SYK: variants seen among roughly 807,000 people sequenced by gnomAD.
SYK encodes spleen associated tyrosine kinase.
In SYK, 16 loss-of-function variants were observed where a neutral mutation model predicts 77.8. The ratio of observed to expected loss-of-function variants is 0.21; its 90% confidence interval spans 0.14 to 0.31. The LOEUF (loss-of-function observed/expected upper bound fraction) is 0.31. SYK is among the 10% of genes least tolerant of loss of function. The pLI, the probability that SYK is intolerant of heterozygous loss-of-function variation, is 1.00. For synonymous variants in SYK, 312 were observed against 308.7 expected, an observed-to-expected ratio of 1.01 and a Z score of -0.11; for missense variants, 529 against 814.4, an observed-to-expected ratio of 0.65 and a Z score of 4.26.
chr9:90,862,889 C>T (rs1446711016), intron 4 of SYK, among the ~76,000 whole-genome samples: 1 of 152,100 alleles, frequency 6.6e-6, no homozygotes, highest in Admixed American at 6.5e-5. Flanking sequence ...AGGTGCCCTC[C>T]TCATTGTAAA....
Position 90,884,533 on chromosome 9 carries a change from A to G in SYK, c.1582-3216A>G, listed in dbSNP as rs1287509807. On this transcript the variant is annotated intron_variant, in intron 11 of 13. Transcript: ENST00000375754. ...CATACATACACATACACATATGTGTACATGTACATACATACACATACACAT... is the reference window on the plus strand; with the variant it reads ...CATACATACACATACACATATGTGTGCATGTACATACATACACATACACAT... 1.7e-5 allele frequency among the ~76,000 whole-genome samples: 2 copies of G among 117,816 alleles called. 1 individual carries two copies. The highest frequency in any genetic ancestry group is 3.5e-5 in the Non-Finnish European group (2 of 56,414). 77.3% of individuals were successfully genotyped at this position (117,816 alleles called of 152,430 possible).
At chr9:90,812,778 T>TGTGTGA (rs1448424766) in intron 1 of SYK, among the ~76,000 whole-genome samples, 1 of 135,862 alleles carries the variant, frequency 7.4e-6, no homozygotes, top group Non-Finnish European at 1.6e-5. Context: ...TGTGTGTGTG[T>TGTGTGA]GAGAGAGAGA....
intron 2 of SYK, 25 bp downstream of exon 2, chr9:90,844,340 C>A: frequency 6.5e-7 from 1 of 1,549,798 alleles, no homozygotes; most frequent in East Asian, 2.3e-5. Flanking sequence ...GTCCTGCTCC[C>A]TGGGCCCAGG....
chr9:90,856,033 C>T (rs898373815), intron 3 of SYK, among the ~76,000 whole-genome samples: 10 of 152,228 alleles, frequency 6.6e-5, no homozygotes, highest in East Asian at 1.9e-4. Context: ...GGACTGGTTC[C>T]GATAAAGTTA....
rs562229991 is a variant in SYK at position 90,878,123 on chromosome 9, A to G, written c.1391+343A>G. Among the ~76,000 whole-genome samples the G allele has an allele frequency of 3.3e-5, 5 of 152,332 alleles. No individual in the cohort carries two copies. In the South Asian group the frequency reaches 1.0e-3, roughly 32 times the overall value. On this transcript the variant is annotated intron_variant, in intron 10 of 13. Transcript: ENST00000375754. ...AAGAACACTTTCTTTTTAAAGAAAC[A>G]TTTTAAATAAATGCTTTTCTAAGAG... is the stretch of plus-strand genomic sequence containing the variant.
rs1252511481 is a variant in SYK at position 90,895,060 on chromosome 9, G to A, written c.1836-468G>A. 6.6e-6 allele frequency among the ~76,000 whole-genome samples: 1 copy of A among 152,206 alleles called. No homozygotes were observed. Among genetic ancestry groups the A allele is most frequent in the African/African-American group, 2.4e-5 (1 of 41,448 alleles). On this transcript the variant is annotated intron_variant, in intron 13 of 13. Transcript: ENST00000375754. This position sits in a 1 kb window ranked among gnomAD's most constrained non-coding sequence, Gnocchi z 4.4. ...CGTGGAAAGGGAGAATTAAAGTTATGTTCGTATTTCTTCTCTTAACAAGAT... is the reference window on the plus strand; with the variant it reads ...CGTGGAAAGGGAGAATTAAAGTTATATTCGTATTTCTTCTCTTAACAAGAT...
intron 1 of SYK, among the ~76,000 whole-genome samples, chr9:90,816,123 G>A (rs934378305): frequency 1.3e-5 from 2 of 152,182 alleles, no homozygotes; most frequent in African/African-American, 4.8e-5. Flanking sequence ...GGAAGCAGGA[G>A]CTTGTTCTGT....
chr9:90,885,239 A>G (rs1828518331), intron 11 of SYK, among the ~76,000 whole-genome samples: 1 of 152,152 alleles, frequency 6.6e-6, no homozygotes, highest in Admixed American at 6.6e-5. Context: ...TAAAGAAGCT[A>G]AATAAGATAT....
At chr9:90,842,314 A>AGT (rs978374623) in intron 1 of SYK, among the ~76,000 whole-genome samples, 3 of 136,048 alleles carry the variant, frequency 2.2e-5, no homozygotes, top group Non-Finnish European at 1.6e-5. Context: ...TGTGGTATGG[A>AGT]GTGTGTGTGT....
At chr9:90,886,522 G>A (rs577316243) in intron 11 of SYK, among the ~76,000 whole-genome samples, 6 of 152,212 alleles carry the variant, frequency 3.9e-5, no homozygotes, top group East Asian at 1.9e-4. Flanking sequence ...TGGCTAACAC[G>A]GTGAAACCCT....
At chr9:90,886,357 T>C (rs1828576451) in intron 11 of SYK, among the ~76,000 whole-genome samples, 1 of 152,200 alleles carries the variant, frequency 6.6e-6, no homozygotes, top group African/African-American at 2.4e-5. Context: ...TATACACTGT[T>C]TGTGGGAATG....
chr9:90,888,764 G>C, intron 13 of SYK, 137 bp downstream of exon 13: 1 of 671,690 alleles, frequency 1.5e-6, no homozygotes, highest in Non-Finnish European at 2.4e-6. Context: ...ACAACGGTGG[G>C]GGCTGGTCTT....
intron 1 of SYK, among the ~76,000 whole-genome samples, chr9:90,835,424 A>T (rs988597294): frequency 6.6e-6 from 1 of 152,210 alleles, no homozygotes; most frequent in Non-Finnish European, 1.5e-5. Context: ...CTTGGGTGAT[A>T]TGAAATTGTT....
chr9:90,884,150 TGTGTATATATACACACATACACATAC>T (rs1438323688), intron 11 of SYK, among the ~76,000 whole-genome samples: 3 of 71,454 alleles, frequency 4.2e-5, no homozygotes, highest in East Asian at 5.7e-4. Flanking sequence ...TATATGTGTG[TGTGTATATATACACACATACACATAC>T]GTGTATATAT....
intron 1 of SYK, among the ~76,000 whole-genome samples, chr9:90,810,496 TG>T (rs11331049): frequency 0.66 from 99,862 of 151,770 alleles, 33,145 homozygotes; most frequent in East Asian, 0.83. Flanking sequence ...CATTTGAACT[TG>T]GGGGGACACA....
At chr9:90,829,930 T>A (rs146132585) in intron 1 of SYK, among the ~76,000 whole-genome samples, 25 of 152,378 alleles carry the variant, frequency 1.6e-4, no homozygotes, top group African/African-American at 5.8e-4. Flanking sequence ...TTGGTTGAGA[T>A]AGATCAGCCT....
chr9:90,867,296 C>G (rs1162533427), intron 7 of SYK, 97 bp downstream of exon 7: 8 of 1,257,730 alleles, frequency 6.4e-6, no homozygotes, highest in Admixed American at 1.8e-5. Context: ...TGCGCTGCCC[C>G]CCATCTCTTG....
chr9:90,883,432 AAAAC>A (rs958715436), intron 11 of SYK, among the ~76,000 whole-genome samples: 6 of 151,984 alleles, frequency 3.9e-5, no homozygotes, highest in Non-Finnish European at 7.4e-5. Flanking sequence ...ACATGCCACA[AAAAC>A]AAATACCACC....
chr9:90,863,165 T>C (rs969684762), intron 4 of SYK, among the ~76,000 whole-genome samples: 25 of 152,350 alleles, frequency 1.6e-4, no homozygotes, highest in Admixed American at 1.6e-3. Context: ...TGGCTGATGA[T>C]GAAGGAAATA....
Sources: gnomAD v4.1 joint callset for allele counts (sites outside exome capture counted in the v4.1 genomes callset) on GRCh38, gnomAD v4.1.1 for gene constraint, Gnocchi (gnomAD v3.1) non-coding constraint, MANE v1.5 for transcripts, NCBI Gene and HGNC (gene_info 2026-07-23, HGNC 2026-07-21) for gene names.